GUCY1A2: variants seen among roughly 807,000 people sequenced by gnomAD.
GUCY1A2 encodes the protein guanylate cyclase 1 soluble subunit alpha 2.
GUCY1A2 carries 27 observed loss-of-function variants against 63.5 expected under a neutral mutation model. The observed-to-expected ratio is 0.43, with a 90% confidence interval of 0.31 to 0.59. The LOEUF is 0.59. Among genes scored for constraint, GUCY1A2 ranks in the 20% least tolerant of loss-of-function variants. The probability of loss-of-function intolerance (pLI) is 0.11; values close to 1 mark genes in which losing one functional copy is unlikely to be tolerated. For missense variants in GUCY1A2, 768 were observed against 913.3 expected (o/e 0.84, Z 2.05); for synonymous variants, 364 against 343.5 (o/e 1.06, Z -0.66).
chr11:106,970,215 G>A (rs542208625), intron 3 of GUCY1A2, among the ~76,000 whole-genome samples: 74 of 152,154 alleles, frequency 4.9e-4, no homozygotes, highest in South Asian at 3.9e-3. Context: ...CAACAAATGG[G>A]ACCCTGTTGG....
At chr11:106,865,663 TA>T (rs1365599056) in intron 4 of GUCY1A2, among the ~76,000 whole-genome samples, 1 of 151,746 alleles carries the variant, frequency 6.6e-6, no homozygotes, top group Non-Finnish European at 1.5e-5. Flanking sequence ...GTGAGGGTGA[TA>T]GGGGAGGGAT....
At position 106,679,965 on chromosome 11, in the gene GUCY1A2, T is replaced by C. The variant is rs1451591294; in HGVS notation, c.*7584A>G. The C allele has an allele frequency of 4.6e-6, 1 of 218,678 alleles. No homozygotes were observed. Among genetic ancestry groups the C allele is most frequent in the Non-Finnish European group, 9.2e-6 (1 of 108,894 alleles). The allele number at this position is 218,678 out of a possible 1,614,324, so 13.5% of individuals were successfully genotyped here. On this transcript the variant is annotated 3_prime_UTR_variant, in exon 8 of 8. Transcript: ENST00000526355. ...TGGCTTGTGAAGGGTTTCTCTTTTTTTGTCTTTCTCTTTTCTTTTTAAAAA... is the reference window on the plus strand; with the variant it reads ...TGGCTTGTGAAGGGTTTCTCTTTTTCTGTCTTTCTCTTTTCTTTTTAAAAA...
intron 5 of GUCY1A2, among the ~76,000 whole-genome samples, chr11:106,794,556 T>C (rs999439447): frequency 6.6e-6 from 1 of 152,080 alleles, no homozygotes; most frequent in Non-Finnish European, 1.5e-5. Context: ...ATAGATCAAC[T>C]ATGTATTAAT....
At chr11:107,008,525 T>A (rs149289925) in intron 1 of GUCY1A2, among the ~76,000 whole-genome samples, 1 of 152,312 alleles carries the variant, frequency 6.6e-6, no homozygotes, top group East Asian at 1.9e-4. Flanking sequence ...AAAAGAGCAG[T>A]ACCAAATACA....
At chr11:106,953,212 T>C (rs1490694721) in intron 3 of GUCY1A2, among the ~76,000 whole-genome samples, 1 of 152,210 alleles carries the variant, frequency 6.6e-6, no homozygotes, top group Non-Finnish European at 1.5e-5. Flanking sequence ...CAATACCTAG[T>C]TTATTGAGAG....
chr11:106,874,712 T>C (rs1197325790), intron 4 of GUCY1A2, among the ~76,000 whole-genome samples: 2 of 151,980 alleles, frequency 1.3e-5, no homozygotes, highest in Non-Finnish European at 2.9e-5. Flanking sequence ...GCAACAGAAC[T>C]ACTCTCTCTG....
At chr11:106,979,044 T>C (rs575180628) in intron 2 of GUCY1A2, among the ~76,000 whole-genome samples, 23 of 152,344 alleles carry the variant, frequency 1.5e-4, no homozygotes, top group African/African-American at 4.1e-4. Flanking sequence ...TCAAGGCTAG[T>C]GATCTGTTTC....
At chr11:106,825,845 G>A (rs1486264884) in intron 4 of GUCY1A2, among the ~76,000 whole-genome samples, 1 of 152,194 alleles carries the variant, frequency 6.6e-6, no homozygotes, top group Admixed American at 6.5e-5. Flanking sequence ...GTCCTGGGCT[G>A]CATTCGACCC....
intron 4 of GUCY1A2, among the ~76,000 whole-genome samples, chr11:106,870,227 A>G (rs1043770755): frequency 6.6e-6 from 1 of 152,130 alleles, no homozygotes; most frequent in African/African-American, 2.4e-5. Context: ...TACATTGTGC[A>G]CATGTACCCT....
chr11:106,967,754 A>G (rs1861144725), intron 3 of GUCY1A2, among the ~76,000 whole-genome samples: 1 of 119,772 alleles, frequency 8.3e-6, no homozygotes, highest in Non-Finnish European at 1.7e-5. Flanking sequence ...GAGGGAGGGA[A>G]GGAAGCAAGG....
At chr11:106,920,231 A>G (rs1208500190) in intron 4 of GUCY1A2, among the ~76,000 whole-genome samples, 1 of 152,070 alleles carries the variant, frequency 6.6e-6, no homozygotes, top group East Asian at 1.9e-4. Flanking sequence ...GGAGCAGTGC[A>G]GAACTGGGAA....
At chr11:106,733,937 G>C (rs1863546078) in intron 6 of GUCY1A2, among the ~76,000 whole-genome samples, 1 of 152,106 alleles carries the variant, frequency 6.6e-6, no homozygotes, top group African/African-American at 2.4e-5. Context: ...ATCTCCTAGA[G>C]ACTCTGAAAC....
intron 3 of GUCY1A2, among the ~76,000 whole-genome samples, chr11:106,954,773 T>C (rs1314897150): frequency 2.6e-5 from 4 of 152,178 alleles, no homozygotes; most frequent in Non-Finnish European, 5.9e-5. Context: ...CTTGTCTTTT[T>C]GTATTTTTGT....
chr11:106,751,754 T>C (rs1270274448), intron 6 of GUCY1A2, among the ~76,000 whole-genome samples: 6 of 152,126 alleles, frequency 3.9e-5, no homozygotes, highest in African/African-American at 1.4e-4. Flanking sequence ...TAAAATAAAT[T>C]TCAGTTTATT....
At chr11:106,943,614 T>C (rs1860781448) in intron 3 of GUCY1A2, among the ~76,000 whole-genome samples, 1 of 152,244 alleles carries the variant, frequency 6.6e-6, no homozygotes, top group African/African-American at 2.4e-5. Flanking sequence ...TATGTCTGCG[T>C]ATCTATCACT....
At chr11:106,882,478 A>C (rs993849431) in intron 4 of GUCY1A2, among the ~76,000 whole-genome samples, 6 of 152,010 alleles carry the variant, frequency 3.9e-5, no homozygotes, top group African/African-American at 1.4e-4. Context: ...GGTGAAAGAG[A>C]GAAGAAAGAG....
intron 1 of GUCY1A2, among the ~76,000 whole-genome samples, chr11:106,992,852 C>T (rs957839075): frequency 2.6e-5 from 4 of 152,046 alleles, no homozygotes; most frequent in African/African-American, 9.7e-5. Context: ...TTCTGTCATC[C>T]TCTAGCTCAC....
chr11:106,959,652 G>T (rs1861035243), intron 3 of GUCY1A2, among the ~76,000 whole-genome samples: 1 of 152,182 alleles, frequency 6.6e-6, no homozygotes, highest in Non-Finnish European at 1.5e-5. Flanking sequence ...GGAAAGTGGG[G>T]AGTCATAACA....
At chr11:106,856,797 C>T (rs1233043461) in intron 4 of GUCY1A2, among the ~76,000 whole-genome samples, 1 of 152,086 alleles carries the variant, frequency 6.6e-6, no homozygotes, top group African/African-American at 2.4e-5. Context: ...ATTACTCTTT[C>T]TTCTAAACTC....
Sources: gnomAD v4.1 joint callset for allele counts (sites outside exome capture counted in the v4.1 genomes callset) on GRCh38, gnomAD v4.1.1 for gene constraint, MANE v1.5 for transcripts, NCBI Gene and HGNC (gene_info 2026-07-23, HGNC 2026-07-21) for gene names.